Variants in VAV2 observed in about 807,000 individuals in gnomAD.
VAV2 encodes vav guanine nucleotide exchange factor 2.
In VAV2, 67 loss-of-function variants were observed where a neutral mutation model predicts 132.5. That is an observed-to-expected ratio of 0.51 (90% confidence interval 0.42 to 0.62). VAV2 has a LOEUF of 0.62. VAV2 is among the 20% of genes least tolerant of loss of function. VAV2 has a pLI of 0.00. For synonymous variants in VAV2, 492 were observed against 443.5 expected, an observed-to-expected ratio of 1.11 and a Z score of -1.37; for missense variants, 938 against 1,153.6, an observed-to-expected ratio of 0.81 and a Z score of 2.71.
At chr9:133,929,845 A>G (rs1264030967) in intron 2 of VAV2, among the ~76,000 whole-genome samples, 1 of 152,142 alleles carries the variant, frequency 6.6e-6, no homozygotes, top group African/African-American at 2.4e-5. Flanking sequence ...CCCCAGGCCC[A>G]ACTCAAAGGA....
intron 29 of VAV2, among the ~76,000 whole-genome samples, chr9:133,765,956 T>C (rs763984158): frequency 2.0e-5 from 3 of 152,222 alleles, no homozygotes; most frequent in Non-Finnish European, 2.9e-5. Context: ...AAAATTATGT[T>C]ACAAACATTT....
Position 133,763,107 on chromosome 9 carries a change from C to T in VAV2, c.*955G>A, listed in dbSNP as rs1833315391. ...AGGAAGCCCTGCCAGGGGCTGGAAC[C>T]AACCTCTCGTGCCAAGGCTGGGCAG... On this transcript the variant is annotated 3_prime_UTR_variant, in exon 30 of 30. Coordinates refer to ENST00000371850, the MANE Select transcript of VAV2 (RefSeq NM_001134398.2). The surrounding 1 kb of genome is among the most constrained non-coding windows in gnomAD (Gnocchi z 6.8). 1 of 152,688 alleles carries T rather than the reference C, an allele frequency of 6.5e-6. No individual in the cohort carries two copies. Among genetic ancestry groups the T allele is most frequent in the South Asian group, 2.1e-4 (1 of 4,832 alleles). 9.5% of individuals were successfully genotyped at this position (152,688 alleles called of 1,614,324 possible).
At position 133,883,347 on chromosome 9, in the gene VAV2, C is replaced by T. The variant is rs1838574630; in HGVS notation, c.322-21915G>A. ...CCATCCGTTGAGACAGCCTCCCTGCCGGGGTGTGCCAAGTGAGTGTGGGGC... is the reference window on the plus strand; with the variant it reads ...CCATCCGTTGAGACAGCCTCCCTGCTGGGGTGTGCCAAGTGAGTGTGGGGC... On this transcript the variant is annotated intron_variant, in intron 2 of 29. Transcript: ENST00000371850. This position sits in a 1 kb window ranked among gnomAD's most constrained non-coding sequence, Gnocchi z 4.2. Among the ~76,000 whole-genome samples, 1 of 152,200 alleles carries T rather than the reference C, an allele frequency of 6.6e-6. No individual in the cohort carries two copies. The highest frequency in any genetic ancestry group is 2.4e-5 in the African/African-American group (1 of 41,442).
At position 133,857,510 on chromosome 9, in the gene VAV2, G is replaced by A. The variant is rs535253178; in HGVS notation, c.380+3864C>T. 6.6e-6 allele frequency among the ~76,000 whole-genome samples: 1 copy of A among 152,326 alleles called. No homozygotes were observed. The highest frequency in any genetic ancestry group is 2.4e-5 in the African/African-American group (1 of 41,564). On this transcript the variant is annotated intron_variant, in intron 3 of 29. Transcript: ENST00000371850. This position sits in a 1 kb window ranked among gnomAD's most constrained non-coding sequence, Gnocchi z 4.0. ...GGGCTCCTACCCAGCCATGAAATGA[G>A]GGAGAGATTCTTCAGGGCTGTGGGC...
At chr9:133,764,304 C>T (rs927557836) in intron 29 of VAV2, among the ~76,000 whole-genome samples, 195 bp from the exon 30 acceptor site, 4 of 152,014 alleles carry the variant, frequency 2.6e-5, no homozygotes, top group Non-Finnish European at 1.5e-5. Flanking sequence ...CACCCTTGGC[C>T]AGTTTAAGAT....
At chr9:133,963,733 AATGCCTGTGAAACTCTAATT>A (rs1471968112) in intron 1 of VAV2, among the ~76,000 whole-genome samples, 1 of 152,090 alleles carries the variant, frequency 6.6e-6, no homozygotes, top group African/African-American at 2.4e-5. Flanking sequence ...CAGGGGAAAA[AATGCCTGTGAAACTCTAATT>A]ATGCCTCTGA....
chr9:133,793,451 C>T (rs183676481), intron 12 of VAV2, among the ~76,000 whole-genome samples: 15 of 152,270 alleles, frequency 9.9e-5, no homozygotes, highest in African/African-American at 2.6e-4. Flanking sequence ...GGCTGCAGCA[C>T]GCTGTCTGAA....
chr9:133,815,815 G>A (rs1835537490), intron 4 of VAV2, among the ~76,000 whole-genome samples: 1 of 152,144 alleles, frequency 6.6e-6, no homozygotes, highest in South Asian at 2.1e-4. Flanking sequence ...TGGTGGGTGG[G>A]GGGTTACACA....
chr9:133,810,423 GC>G (rs1326161493), intron 5 of VAV2, among the ~76,000 whole-genome samples: 1 of 152,208 alleles, frequency 6.6e-6, no homozygotes, highest in Non-Finnish European at 1.5e-5. Context: ...AATGGCATCT[GC>G]CATCCTCTGG....
chr9:133,963,747 T>G (rs1842038031), intron 1 of VAV2, among the ~76,000 whole-genome samples: 1 of 152,034 alleles, frequency 6.6e-6, no homozygotes, highest in Non-Finnish European at 1.5e-5. Flanking sequence ...CCTGTGAAAC[T>G]CTAATTATGC....
chr9:133,978,903 A>G (rs1842600560), intron 1 of VAV2, among the ~76,000 whole-genome samples: 1 of 152,234 alleles, frequency 6.6e-6, no homozygotes, highest in African/African-American at 2.4e-5. Context: ...GGGGACCAAA[A>G]ACCGGGCACC....
chr9:133,969,165 C>T lies in VAV2; in HGVS notation c.204+22910G>A, dbSNP rs1174646519. ...CTGGATTCCACCGTGCCCGCCGGGC[C>T]TGCGAGGACGAGAGCTGGATTCCAC... On this transcript the variant is annotated intron_variant, in intron 1 of 29. Transcript: ENST00000371850. The surrounding 1 kb of genome is among the most constrained non-coding windows in gnomAD (Gnocchi z 5.1). 6.6e-6 allele frequency among the ~76,000 whole-genome samples: 1 copy of T among 151,856 alleles called. No homozygotes were observed. Among genetic ancestry groups the T allele is most frequent in the Non-Finnish European group, 1.5e-5 (1 of 67,966 alleles).
Position 133,768,350 on chromosome 9 carries a change from G to T in VAV2, c.2589+92C>A. 1 of 1,511,762 alleles carries T rather than the reference G, an allele frequency of 6.6e-7. No individual in the cohort carries two copies. Among genetic ancestry groups the T allele is most frequent in the Non-Finnish European group, 8.9e-7 (1 of 1,124,848 alleles). 93.6% of individuals were successfully genotyped at this position (1,511,762 alleles called of 1,614,324 possible). A position where few individuals can be genotyped will look rare whatever the true frequency, so the allele number is the denominator to read the frequency against. On this transcript the variant is annotated intron_variant, in intron 29 of 29. Coordinates refer to ENST00000371850, the MANE Select transcript of VAV2 (RefSeq NM_001134398.2). This position sits in a 1 kb window ranked among gnomAD's most constrained non-coding sequence, Gnocchi z 5.3. ...GGGTGTCTGGAACAGGGCCTGGGGTGTGGACATAGGTGTGGTGCTAGTCTG... is the reference window on the plus strand; with the variant it reads ...GGGTGTCTGGAACAGGGCCTGGGGTTTGGACATAGGTGTGGTGCTAGTCTG...
At chr9:133,949,086 A>G (rs111777399) in intron 1 of VAV2, among the ~76,000 whole-genome samples, 1 of 152,146 alleles carries the variant, frequency 6.6e-6, no homozygotes, top group African/African-American at 2.4e-5. Flanking sequence ...GGGGAGAAAC[A>G]TGCTCCTCCC....
Position 133,887,326 on chromosome 9 carries a change from G to A in VAV2, c.322-25894C>T, listed in dbSNP as rs543016559. ...ATGGGAAACAAAGCTGAACGCAGCTGCTCCAAGCCCACCCACCTGCTACTC... is the reference window on the plus strand; with the variant it reads ...ATGGGAAACAAAGCTGAACGCAGCTACTCCAAGCCCACCCACCTGCTACTC... On this transcript the variant is annotated intron_variant, in intron 2 of 29. Transcript: ENST00000371850. Among the ~76,000 whole-genome samples, 4 of 152,254 alleles carry A rather than the reference G, an allele frequency of 2.6e-5. No homozygotes were observed. In the South Asian group the frequency reaches 8.3e-4, roughly 32 times the overall value.
intron 1 of VAV2, among the ~76,000 whole-genome samples, chr9:133,979,201 T>A (rs549651592): frequency 1.3e-5 from 2 of 152,320 alleles, no homozygotes; most frequent in African/African-American, 4.8e-5. Flanking sequence ...ACTTCCCACT[T>A]GCCAGGCACC....
chr9:133,874,713 T>G (rs1384908644), intron 2 of VAV2, among the ~76,000 whole-genome samples: 1 of 152,108 alleles, frequency 6.6e-6, no homozygotes, highest in Non-Finnish European at 1.5e-5. Context: ...CGCTGCTTCT[T>G]CCTTGGACCC....
intron 4 of VAV2, among the ~76,000 whole-genome samples, chr9:133,828,678 G>A (rs1346462186): frequency 6.6e-6 from 1 of 152,236 alleles, no homozygotes; most frequent in African/African-American, 2.4e-5. Context: ...CTGAGGGAGA[G>A]GTGATCCTCC....
At chr9:133,895,471 T>C (rs562475302) in intron 2 of VAV2, among the ~76,000 whole-genome samples, 6 of 152,372 alleles carry the variant, frequency 3.9e-5, no homozygotes, top group African/African-American at 1.2e-4. Flanking sequence ...GGAGCCACTA[T>C]GGACTATCAC....
Sources: gnomAD v4.1 joint callset for allele counts (sites outside exome capture counted in the v4.1 genomes callset) on GRCh38, gnomAD v4.1.1 for gene constraint, Gnocchi (gnomAD v3.1) non-coding constraint, MANE v1.5 for transcripts, NCBI Gene and HGNC (gene_info 2026-07-23, HGNC 2026-07-21) for gene names.